VPS45: variants seen among roughly 807,000 people sequenced by gnomAD.
VPS45 encodes vacuolar protein sorting 45 homolog.
In VPS45, 35 loss-of-function variants were observed where a neutral mutation model predicts 75.9. The ratio of observed to expected loss-of-function variants is 0.46; its 90% CI spans 0.35 to 0.61. VPS45 has a LOEUF of 0.61. Ranked by LOEUF, VPS45 falls within the 20% of genes least tolerant of loss-of-function variation. The probability of loss-of-function intolerance (pLI) is 0.00; values close to 1 mark genes in which losing one functional copy is unlikely to be tolerated. For synonymous variants in VPS45, 220 were observed against 238.2 expected (o/e 0.92, Z 0.70); for missense variants, 559 against 685.9 (o/e 0.81, Z 2.07).
At position 150,068,738 on chromosome 1, in the gene VPS45, G is replaced by T; in HGVS notation, c.202G>T (p.Ala68Ser). ...TCGAGAGATCATGAAACACCTGAAG[G>T]CAATTTGTTTTCTTCGACCTACAAA... ...QNREIMKHLK[A>S]ICFLRPTKEN... Residue 68 changes from alanine (A) to serine (S), a missense_variant, in exon 2 of 15, where the codon GCA becomes TCA. Ala to Ser is a moderately conservative substitution (Grantham distance 99, BLOSUM62 1). Transcript: ENST00000644510. The T allele has an allele frequency of 6.2e-7, 1 of 1,611,810 alleles. No homozygotes were observed. Among genetic ancestry groups the T allele is most frequent in the Non-Finnish European group, 8.5e-7 (1 of 1,178,902 alleles).
At chr1:150,122,631 C>T (rs1293735498) in intron 14 of VPS45, among the ~76,000 whole-genome samples, 2 of 151,912 alleles carry the variant, frequency 1.3e-5, no homozygotes, top group African/African-American at 4.8e-5. Context: ...ACAAGTCACC[C>T]ATTTGAAGTG....
intron 3 of VPS45, among the ~76,000 whole-genome samples, chr1:150,074,529 C>T (rs1655260264): frequency 6.6e-6 from 1 of 152,022 alleles, no homozygotes; most frequent in Non-Finnish European, 1.5e-5. Context: ...CTATAAATAT[C>T]TGTGTACAGA....
At chr1:150,076,883 A>G (rs587633983) in intron 4 of VPS45, 33 bp from the exon 5 acceptor site, 8 of 1,611,316 alleles carry the variant, frequency 5.0e-6, no homozygotes, top group East Asian at 2.2e-5. Context: ...ATTGAAGTTT[A>G]TGGAATGACT....
intron 10 of VPS45, among the ~76,000 whole-genome samples, chr1:150,084,791 T>C (rs1269455633): frequency 2.0e-5 from 3 of 152,188 alleles, no homozygotes; most frequent in African/African-American, 7.2e-5. Flanking sequence ...TTACTTGATT[T>C]GCCCAAGTCT....
At chr1:150,139,574 G>A (rs1553814755) in intron 14 of VPS45, among the ~76,000 whole-genome samples, 6 of 151,886 alleles carry the variant, frequency 4.0e-5, no homozygotes. Flanking sequence ...TTGAGACAGA[G>A]TCTCACTCTG....
rs782116207 is a variant in VPS45 at position 150,077,251 on chromosome 1, T to C, written c.576+20T>C. 20 of 1,599,222 alleles carry C rather than the reference T, an allele frequency of 1.3e-5. No homozygotes were observed. The highest frequency in any genetic ancestry group is 1.7e-5 in the Non-Finnish European group (20 of 1,175,648). On this transcript the variant is annotated intron_variant, in intron 6 of 14. Coordinates refer to ENST00000644510, the MANE Select transcript of VPS45 (RefSeq NM_007259.5). The stretch of plus-strand genomic sequence containing the variant: ...GTTAAGGTATGGCATTACCTATTCC[T>C]GGTTCCAAAACATAAAGGCCATTCA...
chr1:150,088,438 T>A (rs1048796619), intron 10 of VPS45, among the ~76,000 whole-genome samples: 7 of 136,964 alleles, frequency 5.1e-5, no homozygotes, highest in Admixed American at 1.5e-4. Context: ...ATAATAAATA[T>A]ATATATATAT....
intron 4 of VPS45, 165 bp downstream of exon 4, chr1:150,076,477 T>C (rs1025540578): frequency 9.7e-6 from 5 of 517,898 alleles, no homozygotes; most frequent in Non-Finnish European, 1.7e-5. Flanking sequence ...AGGCAGCAAA[T>C]AAACTAGTTT....
At chr1:150,072,036 T>A in intron 2 of VPS45, 130 bp from the exon 3 acceptor site, 1 of 532,668 alleles carries the variant, frequency 1.9e-6, no homozygotes, top group Non-Finnish European at 3.2e-6. Context: ...CCCACCAACA[T>A]AAGCACACTT....
intron 14 of VPS45, among the ~76,000 whole-genome samples, chr1:150,138,327 C>T (rs1659220332): frequency 6.6e-6 from 1 of 152,144 alleles, no homozygotes; most frequent in African/African-American, 2.4e-5. Context: ...GTTGTTATCA[C>T]TTAGCTTCCA....
intron 2 of VPS45, 107 bp from the exon 3 acceptor site, chr1:150,072,059 A>G: frequency 1.2e-6 from 1 of 820,194 alleles, no homozygotes; most frequent in Non-Finnish European, 1.9e-6. Context: ...CCTAGACTTC[A>G]ATATGCAGTA....
At chr1:150,077,567 C>T in intron 6 of VPS45, 102 bp from the exon 7 acceptor site, 1 of 842,042 alleles carries the variant, frequency 1.2e-6, no homozygotes, top group Non-Finnish European at 1.9e-6. Context: ...TATGTGGGTG[C>T]AAAGAACTAT....
intron 6 of VPS45, 106 bp downstream of exon 6, chr1:150,077,337 T>C: frequency 7.2e-7 from 1 of 1,396,106 alleles, no homozygotes; most frequent in Non-Finnish European, 9.7e-7. Context: ...GAGATGATTG[T>C]ATGTTAGGTT....
At chr1:150,076,772 C>T in intron 4 of VPS45, 144 bp from the exon 5 acceptor site, 2 of 769,450 alleles carry the variant, frequency 2.6e-6, no homozygotes, top group Non-Finnish European at 4.2e-6. Flanking sequence ...TGTTGTTACC[C>T]AATTATTAAT....
chr1:150,068,542 A>G, intron 1 of VPS45, 88 bp from the exon 2 acceptor site: 1 of 1,218,338 alleles, frequency 8.2e-7, no homozygotes. Flanking sequence ...TATCCAGCTA[A>G]GTATTAATGA....
intron 13 of VPS45, among the ~76,000 whole-genome samples, chr1:150,103,149 T>C (rs782288375): frequency 2.6e-4 from 39 of 152,210 alleles, no homozygotes; most frequent in Non-Finnish European, 5.0e-4. Flanking sequence ...TTTTCTAATG[T>C]TTGCTGTCTG....
chr1:150,111,483 G>A (rs1350852563), intron 14 of VPS45, among the ~76,000 whole-genome samples: 2 of 152,212 alleles, frequency 1.3e-5, no homozygotes, highest in East Asian at 1.9e-4. Flanking sequence ...ATAGAAAATG[G>A]GGAATTATTG....
Position 150,116,046 on chromosome 1 carries a change from C to T in VPS45, c.1625+5419C>T, listed in dbSNP as rs587594911. ...AAAAGAATGTTTGTCATTTTTTATCCTGCATTTGTATGTGTTTTATTACAA... is the reference window on the plus strand; with the variant it reads ...AAAAGAATGTTTGTCATTTTTTATCTTGCATTTGTATGTGTTTTATTACAA... On this transcript the variant is annotated intron_variant, in intron 14 of 14. Transcript: ENST00000644510. 1.8e-4 allele frequency among the ~76,000 whole-genome samples: 28 copies of T among 152,238 alleles called. 1 individual carries two copies. The South Asian group carries it at 4.8e-3, about 26-fold the overall frequency.
chr1:150,129,637 G>C (rs1053062645), intron 14 of VPS45, among the ~76,000 whole-genome samples: 27 of 151,750 alleles, frequency 1.8e-4, no homozygotes, highest in African/African-American at 6.5e-4. Context: ...TCGGCTCACT[G>C]CAACGCCCGC....
Sources: gnomAD v4.1 joint callset for allele counts (sites outside exome capture counted in the v4.1 genomes callset) on GRCh38, gnomAD v4.1.1 for gene constraint, MANE v1.5 for transcripts, NCBI Gene and HGNC (gene_info 2026-07-23, HGNC 2026-07-21) for gene names.